GYS2: variants seen among roughly 807,000 people sequenced by gnomAD.
GYS2 encodes glycogen synthase 2.
GYS2 carries 80 observed loss-of-function variants against 85.6 expected under a neutral mutation model. The ratio of observed to expected loss-of-function variants is 0.93; its 90% confidence interval spans 0.78 to 1.13. The LOEUF (loss-of-function observed/expected upper bound fraction) is 1.13. Among genes scored for constraint, GYS2 ranks in the 50% most tolerant of loss-of-function variants. GYS2 has a pLI of 0.00. For synonymous variants in GYS2, 328 were observed against 300.7 expected (o/e 1.09, Z -0.94); for missense variants, 881 against 854.9 (o/e 1.03, Z -0.38).
chr12:21,564,446 A>G (rs1003027092), intron 5 of GYS2, among the ~76,000 whole-genome samples: 3 of 148,178 alleles, frequency 2.0e-5, no homozygotes, highest in Non-Finnish European at 4.5e-5. Flanking sequence ...AAAAAAAAAA[A>G]GAATCTTTTA....
chr12:21,542,437 T>C, intron 13 of GYS2, 59 bp downstream of exon 13: 1 of 977,908 alleles, frequency 1.0e-6, no homozygotes. Context: ...AAAGACCCTG[T>C]GCTTTGTTTG....
intron 4 of GYS2, among the ~76,000 whole-genome samples, chr12:21,572,734 A>G (rs1944401021): frequency 6.6e-6 from 1 of 152,238 alleles, no homozygotes; most frequent in Admixed American, 6.5e-5. Flanking sequence ...ATTGTAATAT[A>G]TAACTATATA....
intron 10 of GYS2, among the ~76,000 whole-genome samples, chr12:21,558,781 CTA>C (rs1437600163): frequency 2.6e-5 from 4 of 152,060 alleles, no homozygotes; most frequent in Admixed American, 6.5e-5. Context: ...GACTCAAATT[CTA>C]TGTTTTGGAA....
chr12:21,578,650 T>C lies in GYS2; in HGVS notation c.303+1692A>G, dbSNP rs925349426. ...TGCTTCAGTGAGATCATCAAAAACA[T>C]TGGGTAAGATTGTCCTGAATTCTTC... On this transcript the variant is annotated intron_variant, in intron 2 of 15. Coordinates refer to ENST00000261195, the MANE Select transcript of GYS2 (RefSeq NM_021957.4). Among the ~76,000 whole-genome samples, 8 of 152,216 alleles carry C rather than the reference T, an allele frequency of 5.3e-5. No homozygotes were observed. The East Asian group carries it at 7.7e-4, about 15-fold the overall frequency.
At chr12:21,582,611 A>G (rs1203114914) in intron 1 of GYS2, among the ~76,000 whole-genome samples, 1 of 151,628 alleles carries the variant, frequency 6.6e-6, no homozygotes, top group African/African-American at 2.4e-5. Context: ...ATAGATATAG[A>G]TATAGATATA....
intron 1 of GYS2, among the ~76,000 whole-genome samples, chr12:21,581,961 C>T (rs1447849948): frequency 1.3e-5 from 2 of 151,980 alleles, no homozygotes; most frequent in Admixed American, 1.3e-4. Context: ...TGACCAAGTC[C>T]TCAAAACTAA....
At chr12:21,574,593 C>T (rs970647544) in intron 3 of GYS2, among the ~76,000 whole-genome samples, 1 of 151,816 alleles carries the variant, frequency 6.6e-6, no homozygotes, top group Admixed American at 6.6e-5. Flanking sequence ...ATATTAATAA[C>T]AGGTAATGAA....
intron 11 of GYS2, 144 bp from the exon 12 acceptor site, chr12:21,546,614 A>C (rs943200982): frequency 1.3e-5 from 8 of 596,240 alleles, no homozygotes; most frequent in Non-Finnish European, 2.3e-5. Context: ...AAGACAAAAG[A>C]AAAAGAAAAA....
At chr12:21,565,246 A>AAG (rs1481821339) in intron 5 of GYS2, among the ~76,000 whole-genome samples, 130 of 150,752 alleles carry the variant, frequency 8.6e-4, no homozygotes, top group African/African-American at 2.8e-3. Context: ...AAGAGAGAAA[A>AAG]AGAGAGAGAG....
chr12:21,583,226 T>A (rs1035167771), intron 1 of GYS2, among the ~76,000 whole-genome samples: 4 of 152,222 alleles, frequency 2.6e-5, no homozygotes, highest in Non-Finnish European at 5.9e-5. Flanking sequence ...ATAAATCTGA[T>A]TAAATTCAGG....
intron 11 of GYS2, among the ~76,000 whole-genome samples, chr12:21,550,395 T>A (rs1944093527): frequency 6.6e-6 from 1 of 151,996 alleles, no homozygotes; most frequent in African/African-American, 2.4e-5. Flanking sequence ...ATTGGGTCAA[T>A]CTTCTTCTGT....
Position 21,537,083 on chromosome 12 carries a change from A to G in GYS2, c.1983T>C (p.Asp661=). 1.2e-6 allele frequency: 2 copies of G among 1,613,632 alleles called. No homozygotes were observed. The highest frequency in any genetic ancestry group is 1.7e-4 in the Middle Eastern group (1 of 6,058). ...ASSPQSSDVE[D]EVEDERYDEE... ...CATCGTATCTCTCATCCTCCACTTC[A>G]TCTTCCACATCACTGCTCTGAGGAC... The change falls in exon 16 of 16, where the codon GAT becomes GAC. Residue 661 remains aspartate (D), a synonymous_variant. Transcript: ENST00000261195.
At chr12:21,563,811 G>A (rs987004125) in intron 5 of GYS2, among the ~76,000 whole-genome samples, 3 of 152,160 alleles carry the variant, frequency 2.0e-5, no homozygotes, top group African/African-American at 4.8e-5. Flanking sequence ...CTGGTAAGTC[G>A]AAGCAGAATC....
intron 2 of GYS2, 64 bp downstream of exon 2, chr12:21,580,278 T>G (rs1944493802): frequency 2.2e-6 from 3 of 1,348,552 alleles, no homozygotes; most frequent in Non-Finnish European, 2.1e-6. Flanking sequence ...GAGTTCATGT[T>G]AGTTACAGTC....
In GYS2 at chr12:21,546,297, A is replaced by G. The variant is rs530327795; in HGVS notation, c.1549+47T>C. ...ATTATATATATGCACATAAAATAATATACTAACAAAATTCAAAACATTCCA... is the reference window on the plus strand; with the variant it reads ...ATTATATATATGCACATAAAATAATGTACTAACAAAATTCAAAACATTCCA... On this transcript the variant is annotated intron_variant, in intron 12 of 15. Transcript: ENST00000261195. 3.0e-5 allele frequency: 41 copies of G among 1,349,978 alleles called. No individual in the cohort carries two copies. The South Asian group carries it at 3.0e-4, about 10-fold the overall frequency. The allele number at this position is 1,349,978 out of a possible 1,614,324, so 83.6% of individuals were successfully genotyped here.
chr12:21,546,528 A>G, intron 11 of GYS2, 58 bp from the exon 12 acceptor site: 1 of 1,192,186 alleles, frequency 8.4e-7, no homozygotes, highest in East Asian at 2.5e-5. Context: ...AAAGTGAAAA[A>G]TCTCCTACAA....
At chr12:21,549,981 T>C (rs1944086978) in intron 11 of GYS2, among the ~76,000 whole-genome samples, 1 of 152,224 alleles carries the variant, frequency 6.6e-6, no homozygotes, top group African/African-American at 2.4e-5. Flanking sequence ...TCTGATTCCT[T>C]ATGTCATTCA....
At chr12:21,560,620 T>C in intron 7 of GYS2, 128 bp from the exon 8 acceptor site, 1 of 661,642 alleles carries the variant, frequency 1.5e-6, no homozygotes, top group Non-Finnish European at 2.7e-6. Context: ...TATTTATGTT[T>C]CACAGAGAGA....
chr12:21,580,465 T>C lies in GYS2; in HGVS notation c.180A>G (p.Gly60=), dbSNP rs533569581. Residue 60 remains glycine, a synonymous_variant, in exon 2 of 16, where the codon GGA becomes GGG. Transcript: ENST00000261195. ...ATGGACCTATCAGAAAATAGTTCTC[T>C]CCCCATTCATCTGCTGTTGTTTTGG... ...TKAKTTADEW[G]ENYFLIGPYF... is the part of the protein sequence containing the mutation. 1 of 1,613,472 alleles carries C rather than the reference T, an allele frequency of 6.2e-7. No homozygotes were observed. Among genetic ancestry groups the C allele is most frequent in the African/African-American group, 1.3e-5 (1 of 75,030 alleles).
Sources: gnomAD v4.1 joint callset for allele counts (sites outside exome capture counted in the v4.1 genomes callset) on GRCh38, gnomAD v4.1.1 for gene constraint, MANE v1.5 for transcripts, NCBI Gene and HGNC (gene_info 2026-07-23, HGNC 2026-07-21) for gene names.